The following KDM4B variants were observed in gnomAD, a reference collection of about 807,000 sequenced individuals.
KDM4B encodes lysine-specific demethylase 4B.
In KDM4B, 32 loss-of-function variants were observed where a neutral mutation model predicts 125.2. The observed-to-expected ratio is 0.26, with a 90% CI of 0.19 to 0.34. KDM4B has a LOEUF of 0.34. Ranked by LOEUF, KDM4B falls within the 10% of genes least tolerant of loss-of-function variation. The pLI, the probability that KDM4B is intolerant of heterozygous loss-of-function variation, is 1.00. For synonymous variants in KDM4B, 721 were observed against 677.9 expected, an observed-to-expected ratio of 1.06 and a Z score of -0.99; for missense variants, 1,190 against 1,577.7, an observed-to-expected ratio of 0.75 and a Z score of 4.16.
chr19:5,015,292 G>A (rs1426467830), intron 1 of KDM4B, among the ~76,000 whole-genome samples: 1 of 152,074 alleles, frequency 6.6e-6, no homozygotes, highest in Non-Finnish European at 1.5e-5. Flanking sequence ...CTGTCACCCA[G>A]GTTGGAGTGC....
At chr19:5,144,695 C>A (rs1363398619) in intron 20 of KDM4B, 88 bp from the exon 21 acceptor site, 2 of 1,550,222 alleles carry the variant, frequency 1.3e-6, no homozygotes, top group South Asian at 1.2e-5. Context: ...GAGAACCTCA[C>A]TTGCCAGCGC....
intron 9 of KDM4B, among the ~76,000 whole-genome samples, chr19:5,106,761 A>AG (rs929541923): frequency 1.8e-4 from 27 of 152,184 alleles, no homozygotes; most frequent in African/African-American, 5.3e-4. Flanking sequence ...GGGCACCAAG[A>AG]GGGGGGGCCT....
chr19:4,998,605 A>G (rs2035273901), intron 1 of KDM4B, among the ~76,000 whole-genome samples: 1 of 152,162 alleles, frequency 6.6e-6, no homozygotes, highest in Non-Finnish European at 1.5e-5. Flanking sequence ...TCAAAATCAG[A>G]AATTCACGCT....
At chr19:5,139,835 T>A (rs899570662) in intron 18 of KDM4B, among the ~76,000 whole-genome samples, 2 of 152,228 alleles carry the variant, frequency 1.3e-5, no homozygotes, top group African/African-American at 2.4e-5. Context: ...AGGCCCCCCG[T>A]AGATGCGCGC....
chr19:5,077,288 G>A, intron 7 of KDM4B, 79 bp from the exon 8 acceptor site: 1 of 1,228,698 alleles, frequency 8.1e-7, no homozygotes, highest in Non-Finnish European at 1.2e-6. Flanking sequence ...GAAAGAGCCA[G>A]CCTGCCCAGA....
At chr19:5,076,786 C>T (rs1353564270) in intron 7 of KDM4B, 1 of 155,346 alleles carries the variant, frequency 6.4e-6, no homozygotes, top group Non-Finnish European at 1.4e-5. Context: ...GTGACGAGAG[C>T]GGCCACGCTG....
intron 6 of KDM4B, among the ~76,000 whole-genome samples, chr19:5,053,622 G>A (rs1001582587): frequency 2.0e-5 from 3 of 152,222 alleles, no homozygotes; most frequent in South Asian, 2.1e-4. Context: ...CCTGGGAGCC[G>A]TATCCTTGTA....
At chr19:5,025,775 T>C (rs2036259456) in intron 2 of KDM4B, among the ~76,000 whole-genome samples, 1 of 152,256 alleles carries the variant, frequency 6.6e-6, no homozygotes, top group African/African-American at 2.4e-5. Flanking sequence ...CCCTGCGTGT[T>C]TGACAATCAC....
Position 5,037,844 on chromosome 19 carries a change from C to T in KDM4B, c.142-1992C>T, listed in dbSNP as rs557264875. 8.5e-5 allele frequency among the ~76,000 whole-genome samples: 13 copies of T among 152,380 alleles called. No individual in the cohort carries two copies. In the East Asian group the frequency reaches 2.1e-3, roughly 25 times the overall value. The stretch of plus-strand genomic sequence containing the variant: ...TCAGTTGAGAGCCACCTGCTCGCTG[C>T]GGCTGCTGCTGCTGTTACTGCTTTT... On this transcript the variant is annotated intron_variant, in intron 3 of 22. Transcript: ENST00000159111.
chr19:5,104,332 C>T (rs1439396911), intron 9 of KDM4B, among the ~76,000 whole-genome samples: 5 of 152,300 alleles, frequency 3.3e-5, no homozygotes, highest in African/African-American at 4.8e-5. Context: ...CAGCGTTGCA[C>T]GGTAAAACTA....
rs2039538699 is a variant in KDM4B, at chr19:5,131,243, G to A, written c.1483G>A (p.Ala495Thr). 6.2e-7 allele frequency: 1 copy of A among 1,608,590 alleles called. No individual in the cohort carries two copies. Among genetic ancestry groups the A allele is most frequent in the Non-Finnish European group, 8.5e-7 (1 of 1,177,920 alleles). Residue 495 changes from alanine (A) to threonine (T), a missense_variant, in exon 12 of 23, where the codon GCA (alanine) becomes ACA (threonine). Physicochemically the swap from Ala to Thr is moderately conservative, Grantham distance 58. Around this residue, in one of 7 missense-constraint regions of KDM4B, gnomAD observed 428 missense variants for 405.1 expected, o/e 1.06. Transcript: ENST00000159111. ...LEPPVLGPGP[A>T]AMEESPLPAP... ...GCCCCCGGTGCTGGGCCCAGGCCCT[G>A]CAGCCATGGAGGAGAGCCCCCTGCC...
chr19:5,143,556 T>C, intron 18 of KDM4B, among the ~76,000 whole-genome samples: 1 of 152,210 alleles, frequency 6.6e-6, no homozygotes, highest in East Asian at 1.9e-4. Context: ...GGTCACATGG[T>C]CTGCACTCAC....
chr19:5,086,569 G>T (rs1235240319), intron 9 of KDM4B, among the ~76,000 whole-genome samples: 3 of 152,202 alleles, frequency 2.0e-5, no homozygotes, highest in Admixed American at 2.0e-4. Flanking sequence ...TGTGCTGCCT[G>T]GCCCTTGCAG....
At chr19:5,018,195 A>T (rs2035953495) in intron 2 of KDM4B, among the ~76,000 whole-genome samples, 3 of 151,938 alleles carry the variant, frequency 2.0e-5, no homozygotes, top group Admixed American at 1.3e-4. Context: ...TGCACACCAC[A>T]CCTGGCTAAT....
intron 1 of KDM4B, among the ~76,000 whole-genome samples, chr19:5,004,960 C>T (rs2035511283): frequency 1.3e-5 from 2 of 152,200 alleles, no homozygotes; most frequent in Admixed American, 6.5e-5. Flanking sequence ...CACAGTCTCC[C>T]ACTTCCCCAG....
chr19:5,133,969 G>T lies in KDM4B; in HGVS notation c.1993G>T (p.Ala665Ser). The stretch of plus-strand genomic sequence containing the variant: ...GTCTCTGCAGTGGAAGAACAGGGCG[G>T]CCAGCTTCCAGGCCGAGAGGAAGTT... Reference protein sequence around the residue: ...LLSLQWKNRAASFQAERKFNA... With the variant: ...LLSLQWKNRASSFQAERKFNA... The change falls in exon 14 of 23, where the codon GCC becomes TCC. Residue 665 changes from alanine to serine, a missense_variant. Ala to Ser is a moderately conservative substitution (Grantham distance 99). Around this residue, in one of 7 missense-constraint regions of KDM4B, gnomAD observed 128 missense variants for 137.8 expected, o/e 0.93. Coordinates refer to ENST00000159111, the MANE Select transcript of KDM4B (RefSeq NM_015015.3). 6.2e-7 allele frequency: 1 copy of T among 1,612,742 alleles called. No homozygotes were observed. Among genetic ancestry groups the T allele is most frequent in the Non-Finnish European group, 8.5e-7 (1 of 1,179,936 alleles).
chr19:5,087,542 C>A (rs1484689021), intron 9 of KDM4B, among the ~76,000 whole-genome samples: 2 of 152,236 alleles, frequency 1.3e-5, no homozygotes, highest in Non-Finnish European at 2.9e-5. Flanking sequence ...AGGGCCACTT[C>A]CGAGGTCAGT....
intron 6 of KDM4B, among the ~76,000 whole-genome samples, chr19:5,064,336 C>T (rs1382550860): frequency 2.0e-5 from 3 of 152,308 alleles, no homozygotes; most frequent in South Asian, 2.1e-4. Context: ...GGCGAAGGCC[C>T]GTCTGCCCAG....
chr19:5,065,956 G>A (rs2037757033), intron 6 of KDM4B, among the ~76,000 whole-genome samples: 1 of 152,208 alleles, frequency 6.6e-6, no homozygotes, highest in Non-Finnish European at 1.5e-5. Flanking sequence ...GAGCCTGGTG[G>A]GGCATCCCCA....
Sources: allele counts gnomAD v4.1 joint callset (sites outside exome capture counted in the v4.1 genomes callset), GRCh38; gene constraint gnomAD v4.1.1; regional missense constraint gnomAD v4.1.1; transcripts MANE v1.5; gene names NCBI Gene and HGNC (gene_info 2026-07-23, HGNC 2026-07-21).